Variants in SRPX observed in about 807,000 individuals in gnomAD.
SRPX encodes the protein sushi repeat containing protein X-linked.
SRPX carries 24 observed loss-of-function variants against 38.1 expected under a neutral mutation model. The observed-to-expected ratio is 0.63, with a 90% CI of 0.46 to 0.89. The LOEUF is 0.89. SRPX is among the 40% of genes least tolerant of loss of function. The pLI, the probability that SRPX is intolerant of heterozygous loss-of-function variation, is 0.00. For synonymous variants in SRPX, 184 were observed against 153.8 expected (o/e 1.20, Z -1.45); for missense variants, 416 against 377.8 (o/e 1.10, Z -0.84).
At chrX:38,218,167 C>T (rs1265644481) in intron 1 of SRPX, among the ~76,000 whole-genome samples, 2 of 112,081 alleles carry the variant, frequency 1.8e-5, no homozygotes, top group Non-Finnish European at 3.8e-5. Flanking sequence ...TAAAACCACG[C>T]TACTTTACCA....
intron 1 of SRPX, among the ~76,000 whole-genome samples, chrX:38,212,293 G>T (rs1939341297): frequency 9.0e-6 from 1 of 111,555 alleles, no homozygotes; most frequent in African/African-American, 3.3e-5. Context: ...TAACCTACAG[G>T]CTGTACATGC....
intron 9 of SRPX, among the ~76,000 whole-genome samples, chrX:38,154,248 G>A (rs1260702336): frequency 9.0e-6 from 1 of 111,337 alleles, no homozygotes; most frequent in Non-Finnish European, 1.9e-5. Context: ...TTGGTTGGAG[G>A]GAGTAAGAAA....
At chrX:38,182,240 G>A (rs2147102943) in intron 1 of SRPX, among the ~76,000 whole-genome samples, 1 of 112,347 alleles carries the variant, frequency 8.9e-6, no homozygotes, top group East Asian at 2.8e-4. Flanking sequence ...AATCCTGTCT[G>A]CCTGGCCTTC....
At chrX:38,213,697 G>A (rs1235252265) in intron 1 of SRPX, among the ~76,000 whole-genome samples, 2 of 111,860 alleles carry the variant, frequency 1.8e-5, no homozygotes, top group East Asian at 5.6e-4. Flanking sequence ...ACTGGATCAC[G>A]GTTCTGCAGG....
intron 3 of SRPX, among the ~76,000 whole-genome samples, chrX:38,172,866 T>C (rs1938500056): frequency 8.9e-6 from 1 of 112,677 alleles, no homozygotes; most frequent in African/African-American, 3.2e-5. Context: ...TGCTTTCTCT[T>C]GTGAAAAGAG....
At position 38,154,032 on chromosome X, in the gene SRPX, A is replaced by G. The variant is rs2073309; in HGVS notation, c.1211+430T>C. The G allele has an allele frequency of 3.0e-3, 350 of 115,491 alleles. 8 individuals carry two copies. The East Asian group carries it at 0.038, about 12-fold the overall frequency. 9.5% of individuals were successfully genotyped at this position (115,491 alleles called of 1,213,427 possible). ...GCTCCAACTTTGTAAGGGTTATGAA[A>G]CTAAAATATAATTGTTAAAATAAAG... On this transcript the variant is annotated intron_variant, in intron 9 of 9. Coordinates refer to ENST00000378533, the MANE Select transcript of SRPX (RefSeq NM_006307.5).
chrX:38,163,602 C>T (rs780302119), intron 5 of SRPX, among the ~76,000 whole-genome samples: 32 of 111,625 alleles, frequency 2.9e-4, no homozygotes, highest in Non-Finnish European at 5.1e-4. Flanking sequence ...GGGATCCACC[C>T]ATTTTTAAAA....
At chrX:38,216,964 G>A (rs1025939243) in intron 1 of SRPX, among the ~76,000 whole-genome samples, 1 of 112,271 alleles carries the variant, frequency 8.9e-6, no homozygotes, top group African/African-American at 3.2e-5. Context: ...TATTTAAAAG[G>A]AACCTCTGTA....
intron 1 of SRPX, among the ~76,000 whole-genome samples, chrX:38,217,318 G>A (rs1347513843): frequency 8.9e-6 from 1 of 112,306 alleles, no homozygotes; most frequent in African/African-American, 3.2e-5. Flanking sequence ...TTAAAAGGAA[G>A]GCACGTTGCT....
chrX:38,201,329 AGAAG>A (rs1347723795), intron 1 of SRPX, among the ~76,000 whole-genome samples: 4 of 111,402 alleles, frequency 3.6e-5, no homozygotes, highest in African/African-American at 1.3e-4. Context: ...GGAGAAAGAA[AGAAG>A]GAAGGGAGGA....
chrX:38,220,572 G>A, intron 1 of SRPX, 124 bp downstream of exon 1: 1 of 1,025,326 alleles, frequency 9.8e-7, no homozygotes, highest in African/African-American at 2.0e-5. Flanking sequence ...GGCTGCGAAA[G>A]AGGAGTTCTG....
intron 1 of SRPX, 101 bp from the exon 2 acceptor site, chrX:38,178,445 T>C (rs1569208727): frequency 3.0e-6 from 2 of 673,773 alleles, no homozygotes; most frequent in East Asian, 6.9e-5. Context: ...GAGGTGCTAT[T>C]AGAATGCAGA....
At chrX:38,168,924 G>T (rs1004964888) in intron 4 of SRPX, among the ~76,000 whole-genome samples, 1 of 112,260 alleles carries the variant, frequency 8.9e-6, no homozygotes, top group Non-Finnish European at 1.9e-5. Context: ...AGGCTGATGT[G>T]GGAGGATCAC....
chrX:38,181,536 G>A (rs929579103), intron 1 of SRPX, among the ~76,000 whole-genome samples: 3 of 111,493 alleles, frequency 2.7e-5, no homozygotes, highest in African/African-American at 9.8e-5. Context: ...GTGGTAGGGA[G>A]GATAGTGACG....
intron 1 of SRPX, among the ~76,000 whole-genome samples, chrX:38,208,971 G>A (rs1316286666): frequency 9.7e-6 from 1 of 102,908 alleles, no homozygotes; most frequent in African/African-American, 3.5e-5. Flanking sequence ...ACAGGTGTGA[G>A]CCACTGTGCT....
At chrX:38,183,881 G>A (rs925129347) in intron 1 of SRPX, among the ~76,000 whole-genome samples, 2 of 111,398 alleles carry the variant, frequency 1.8e-5, no homozygotes, top group African/African-American at 6.5e-5. Flanking sequence ...AGCCATACCT[G>A]GAGCCAACTG....
chrX:38,155,886 G>T (rs1458103410), intron 8 of SRPX, among the ~76,000 whole-genome samples: 1 of 111,772 alleles, frequency 8.9e-6, no homozygotes, highest in Non-Finnish European at 1.9e-5. Flanking sequence ...AAGATGCAAT[G>T]AATTTGGTTC....
intron 1 of SRPX, among the ~76,000 whole-genome samples, chrX:38,208,947 A>G (rs1228215001): frequency 9.6e-6 from 1 of 104,461 alleles, no homozygotes; most frequent in Non-Finnish European, 2.0e-5. Flanking sequence ...TAGGCCTCTC[A>G]AAGTGCTGGG....
At chrX:38,153,663 C>A (rs1569202348) in intron 9 of SRPX, among the ~76,000 whole-genome samples, 1 of 111,160 alleles carries the variant, frequency 9.0e-6, no homozygotes, top group Non-Finnish European at 1.9e-5. Context: ...GGTGTGGCAC[C>A]TCCAACGTGA....
Sources: allele counts gnomAD v4.1 joint callset (sites outside exome capture counted in the v4.1 genomes callset), GRCh38; gene constraint gnomAD v4.1.1; transcripts MANE v1.5; gene names NCBI Gene and HGNC (gene_info 2026-07-23, HGNC 2026-07-21).